The following ADAM12 variants were observed in gnomAD, a reference collection of about 807,000 sequenced individuals.
ADAM12 encodes the protein disintegrin and metalloproteinase domain-containing protein 12.
ADAM12 carries 70 observed loss-of-function variants against 106.4 expected under a neutral mutation model. The observed-to-expected ratio is 0.66, with a 90% CI of 0.54 to 0.80. ADAM12 has a LOEUF of 0.80. ADAM12 is among the 30% of genes least tolerant of loss of function. The probability of loss-of-function intolerance (pLI) is 0.00; values close to 1 mark genes in which losing one functional copy is unlikely to be tolerated. For missense variants in ADAM12, 1,010 were observed against 1,171.9 expected, an observed-to-expected ratio of 0.86 and a Z score of 2.02; for synonymous variants, 420 against 433.5, an observed-to-expected ratio of 0.97 and a Z score of 0.39.
At chr10:126,369,399 G>C (rs944986805) in intron 1 of ADAM12, among the ~76,000 whole-genome samples, 2 of 152,190 alleles carry the variant, frequency 1.3e-5, no homozygotes, top group Non-Finnish European at 2.9e-5. Flanking sequence ...AATGTGATAA[G>C]TGCTCTGACA....
At chr10:126,384,114 A>T (rs765503299) in intron 1 of ADAM12, among the ~76,000 whole-genome samples, 1 of 152,238 alleles carries the variant, frequency 6.6e-6, no homozygotes, top group African/African-American at 2.4e-5. Context: ...TGAGGAAGTA[A>T]GCATAAAGGC....
chr10:126,229,998 G>C (rs113010088), intron 3 of ADAM12, among the ~76,000 whole-genome samples: 39 of 152,192 alleles, frequency 2.6e-4, no homozygotes, highest in African/African-American at 9.2e-4. Context: ...CACATCCTTG[G>C]CTTGGCCAAT....
chr10:126,110,823 A>T (rs1466466431), intron 6 of ADAM12, among the ~76,000 whole-genome samples: 1 of 152,226 alleles, frequency 6.6e-6, no homozygotes, highest in African/African-American at 2.4e-5. Flanking sequence ...TAAAAACAAA[A>T]AACAAAGCCT....
At chr10:126,235,313 C>T (rs1434166671) in intron 3 of ADAM12, among the ~76,000 whole-genome samples, 4 of 152,186 alleles carry the variant, frequency 2.6e-5, no homozygotes, top group Non-Finnish European at 5.9e-5. Flanking sequence ...CTGGGTGTGT[C>T]GGAGGAGGCT....
chr10:126,146,237 G>A (rs1243214999), intron 4 of ADAM12, among the ~76,000 whole-genome samples: 3 of 152,234 alleles, frequency 2.0e-5, no homozygotes, highest in African/African-American at 7.2e-5. Flanking sequence ...GAAGGCACTG[G>A]TGTTGAGTGC....
Position 126,036,418 on chromosome 10 carries a change from GC to G in ADAM12, c.2350-94del, listed in dbSNP as rs139946030. On this transcript the variant is annotated intron_variant, in intron 20 of 22. Coordinates refer to ENST00000448723, the MANE Select transcript of ADAM12 (RefSeq NM_001288973.2). ...AAGCAGTGCTAACTCATCTGTTATA[GC>G]TGAAGGCCAAGGTGGGGTAAAGGAA... The G allele has an allele frequency of 1.9e-3, 2,422 of 1,284,694 alleles. 26 individuals carry two copies. The African/African-American group carries it at 0.023, about 12-fold the overall frequency. 79.6% of individuals were successfully genotyped at this position (1,284,694 alleles called of 1,614,324 possible).
intron 11 of ADAM12, among the ~76,000 whole-genome samples, 167 bp from the exon 12 acceptor site, chr10:126,071,821 G>C (rs1177720529): frequency 6.6e-6 from 1 of 152,210 alleles, no homozygotes; most frequent in Non-Finnish European, 1.5e-5. Flanking sequence ...TGTCAAGTGA[G>C]GCACATTCAG....
chr10:126,158,877 G>T, intron 3 of ADAM12, among the ~76,000 whole-genome samples: 1 of 147,312 alleles, frequency 6.8e-6, no homozygotes, highest in African/African-American at 2.6e-5. Flanking sequence ...CAGAGCATGG[G>T]GAGAGGATGC....
At chr10:126,367,031 TA>T (rs1236098931) in intron 1 of ADAM12, among the ~76,000 whole-genome samples, 2 of 152,018 alleles carry the variant, frequency 1.3e-5, no homozygotes, top group African/African-American at 4.8e-5. Flanking sequence ...CAAAAAATAT[TA>T]GTAAGCTTAA....
intron 5 of ADAM12, among the ~76,000 whole-genome samples, chr10:126,131,189 C>T (rs7101080): frequency 0.021 from 3,029 of 145,838 alleles, 105 homozygotes; most frequent in African/African-American, 0.073. Context: ...CTCCCTGCCT[C>T]GGGGACCCTG....
Position 126,187,326 on chromosome 10 carries a change from T to TTAAAA in ADAM12, c.261-32022_261-32021insTTTTA, listed in dbSNP as rs1554983506. Among the ~76,000 whole-genome samples, 19 of 148,580 alleles carry TTAAAA rather than the reference T, an allele frequency of 1.3e-4. No homozygotes were observed. In the East Asian group the frequency reaches 1.6e-3, roughly 12 times the overall value. ...CTCCCCAACTGTGAAGGAAATGAAA[T>TTAAAA]AAAAAAAAAACAAATTTAATGTTGC... On this transcript the variant is annotated intron_variant, in intron 3 of 22. Transcript: ENST00000448723.
At chr10:126,256,520 G>C (rs998400742) in intron 3 of ADAM12, among the ~76,000 whole-genome samples, 1 of 150,752 alleles carries the variant, frequency 6.6e-6, no homozygotes, top group Non-Finnish European at 1.5e-5. Flanking sequence ...GTCGCTGTGT[G>C]TCAGACTCTG....
chr10:126,186,618 T>C (rs1222745198), intron 3 of ADAM12, among the ~76,000 whole-genome samples: 1 of 150,208 alleles, frequency 6.7e-6, no homozygotes, highest in Admixed American at 6.7e-5. Context: ...TGGCTGAGTG[T>C]GGGGGCAGTG....
chr10:126,254,881 C>A lies in ADAM12; in HGVS notation c.260+24034G>T, dbSNP rs538403249. On this transcript the variant is annotated intron_variant, in intron 3 of 22. Coordinates refer to ENST00000448723, the MANE Select transcript of ADAM12 (RefSeq NM_001288973.2). ...GTCATTAGAACCATTAAAACGTCAT[C>A]TCTCTTGACATAAACCATAATTAAG... Among the ~76,000 whole-genome samples, 3 of 152,336 alleles carry A rather than the reference C, an allele frequency of 2.0e-5. No individual in the cohort carries two copies. In the East Asian group the frequency reaches 5.8e-4, roughly 29 times the overall value.
At chr10:126,210,459 A>C (rs968557230) in intron 3 of ADAM12, among the ~76,000 whole-genome samples, 1 of 152,194 alleles carries the variant, frequency 6.6e-6, no homozygotes, top group Non-Finnish European at 1.5e-5. Flanking sequence ...GGCAATGACC[A>C]CACAGCATGT....
rs1420271679 is a variant in ADAM12, at chr10:126,321,906, G to GA, written c.186+8505_186+8506insT. Among the ~76,000 whole-genome samples the GA allele has an allele frequency of 1.5e-3, 187 of 127,258 alleles. 6 individuals carry two copies. Among genetic ancestry groups the GA allele is most frequent in the Admixed American group, 2.9e-3 (38 of 13,152 alleles). The allele number at this position is 127,258 out of a possible 152,430, so 83.5% of individuals were successfully genotyped here. On this transcript the variant is annotated intron_variant, in intron 2 of 22. Transcript: ENST00000448723. ...TCGCTTAACTTTCTACCTGGGGGTCGGGGGGGGGGCTTCAGCAACCTCATG... is the reference window on the plus strand; with the variant it reads ...TCGCTTAACTTTCTACCTGGGGGTCGAGGGGGGGGGCTTCAGCAACCTCATG...
chr10:126,031,424 T>A (rs1405833764), intron 21 of ADAM12, among the ~76,000 whole-genome samples: 1 of 152,178 alleles, frequency 6.6e-6, no homozygotes, highest in Non-Finnish European at 1.5e-5. Context: ...TGTTGAACAG[T>A]TTGAAAGTTT....
chr10:126,348,240 G>A (rs1855220707), intron 1 of ADAM12, among the ~76,000 whole-genome samples: 1 of 152,206 alleles, frequency 6.6e-6, no homozygotes, highest in Non-Finnish European at 1.5e-5. Flanking sequence ...TGGGAGCACA[G>A]AGTCTGGTAA....
intron 19 of ADAM12, among the ~76,000 whole-genome samples, chr10:126,038,667 C>A (rs1954100873): frequency 6.6e-6 from 1 of 152,148 alleles, no homozygotes; most frequent in Admixed American, 6.5e-5. Flanking sequence ...AAAGCTACCC[C>A]ATCTGATGAA....
Sources: allele counts gnomAD v4.1 joint callset (sites outside exome capture counted in the v4.1 genomes callset), GRCh38; gene constraint gnomAD v4.1.1; transcripts MANE v1.5; gene names NCBI Gene and HGNC (gene_info 2026-07-23, HGNC 2026-07-21).